FAM184B: variants seen among roughly 807,000 people sequenced by gnomAD.
The protein encoded by FAM184B is protein FAM184B.
FAM184B carries 111 observed loss-of-function variants against 135.9 expected under a neutral mutation model. That is an observed-to-expected ratio of 0.82 (90% confidence interval 0.70 to 0.96). The LOEUF is 0.96. FAM184B is among the 40% of genes least tolerant of loss of function. FAM184B has a pLI of 0.00. For missense variants in FAM184B, 1,375 were observed against 1,323.9 expected (o/e 1.04, Z -0.60); for synonymous variants, 552 against 524.8 (o/e 1.05, Z -0.71).
intron 1 of FAM184B, among the ~76,000 whole-genome samples, chr4:17,719,739 A>G (rs1425568954): frequency 1.3e-5 from 2 of 152,018 alleles, no homozygotes; most frequent in African/African-American, 4.8e-5. Flanking sequence ...CTCCTCAAAT[A>G]CTCTATAACC....
At chr4:17,693,601 G>GAT in intron 5 of FAM184B, among the ~76,000 whole-genome samples, 189 bp from the exon 6 acceptor site, 1 of 152,246 alleles carries the variant, frequency 6.6e-6, no homozygotes, top group African/African-American at 2.4e-5. Context: ...CACAAAGCCT[G>GAT]ATATATATAG....
intron 15 of FAM184B, 100 bp downstream of exon 15, chr4:17,636,428 G>T: frequency 3.4e-6 from 3 of 880,196 alleles, no homozygotes; most frequent in Non-Finnish European, 3.6e-6. Flanking sequence ...TAAGATATTA[G>T]GGCACCTAGA....
At chr4:17,757,170 A>G (rs1718442605) in intron 1 of FAM184B, among the ~76,000 whole-genome samples, 1 of 152,226 alleles carries the variant, frequency 6.6e-6, no homozygotes, top group African/African-American at 2.4e-5. Context: ...GTGACAGAAG[A>G]ACAGGTTACA....
chr4:17,705,963 C>T, intron 3 of FAM184B, 72 bp from the exon 4 acceptor site: 5 of 1,533,976 alleles, frequency 3.3e-6, no homozygotes, highest in Non-Finnish European at 4.4e-6. Flanking sequence ...TTTCTGCTGT[C>T]AGGCCCCCGT....
At chr4:17,773,603 G>A (rs1425043841) in intron 1 of FAM184B, among the ~76,000 whole-genome samples, 2 of 152,132 alleles carry the variant, frequency 1.3e-5, no homozygotes, top group African/African-American at 2.4e-5. Context: ...TTGAGACGGA[G>A]TTTCACTTTT....
At chr4:17,642,525 C>T (rs80150919) in intron 12 of FAM184B, among the ~76,000 whole-genome samples, 2,153 of 152,314 alleles carry the variant, frequency 0.014, 21 homozygotes, top group Middle Eastern at 0.024. Context: ...AGGGTGCCCT[C>T]CATGCCTGCC....
intron 1 of FAM184B, among the ~76,000 whole-genome samples, chr4:17,714,748 C>T (rs1192125471): frequency 6.6e-6 from 1 of 152,032 alleles, no homozygotes; most frequent in Non-Finnish European, 1.5e-5. Flanking sequence ...GGGCAAGCTT[C>T]CAAGGTGCCC....
Position 17,644,393 on chromosome 4 carries a change from A to T in FAM184B, c.2347-2165T>A, listed in dbSNP as rs189438039. On this transcript the variant is annotated intron_variant, in intron 12 of 17. Transcript: ENST00000265018. ...ATCAAAAAGCTTATCCACCATGATC[A>T]AGTGGGCTTCATCCCTGGGATGCAA... is the stretch of plus-strand genomic sequence containing the variant. 3.1e-3 allele frequency among the ~76,000 whole-genome samples: 477 copies of T among 152,346 alleles called. 4 individuals carry two copies. Among genetic ancestry groups the T allele is most frequent in the African/African-American group, 0.01 (432 of 41,584 alleles).
intron 7 of FAM184B, among the ~76,000 whole-genome samples, chr4:17,684,089 A>C (rs1168642883): frequency 2.2e-4 from 1 of 4,640 alleles, no homozygotes; most frequent in Non-Finnish European, 3.4e-3. Flanking sequence ...TAATAATAGT[A>C]ATTACTATTA....
chr4:17,715,724 T>C (rs1042930923), intron 1 of FAM184B, among the ~76,000 whole-genome samples: 3 of 152,204 alleles, frequency 2.0e-5, no homozygotes, highest in Non-Finnish European at 4.4e-5. Flanking sequence ...CACATTTGCA[T>C]ACATCAAAAC....
Position 17,707,635 on chromosome 4 carries a change from C to A in FAM184B, c.1030+14G>T. 1 of 1,551,316 alleles carries A rather than the reference C, an allele frequency of 6.4e-7. No homozygotes were observed. On this transcript the variant is annotated intron_variant, in intron 3 of 17. Transcript: ENST00000265018. ...CCTTGGGTCTTTTAAGGAAATCATT[C>A]CAGGGCATCTCACCTGTCTGCTGTG...
rs530471734 is a variant in FAM184B at position 17,652,279 on chromosome 4, C to G, written c.2191+551G>C. 1.4e-3 allele frequency among the ~76,000 whole-genome samples: 206 copies of G among 152,038 alleles called. 1 individual carries two copies. Among genetic ancestry groups the G allele is most frequent in the Middle Eastern group, 6.8e-3 (2 of 292 alleles). The stretch of plus-strand genomic sequence containing the variant: ...AGCTGGGACTACAGACACCTGCCAC[C>G]ACGCCCGGCTAATTTTTTGTATTTT... On this transcript the variant is annotated intron_variant, in intron 11 of 17. Coordinates refer to ENST00000265018, the MANE Select transcript of FAM184B (RefSeq NM_015688.2).
At chr4:17,778,108 GGATAAA>G (rs1259078539) in intron 1 of FAM184B, among the ~76,000 whole-genome samples, 1 of 151,642 alleles carries the variant, frequency 6.6e-6, no homozygotes, top group African/African-American at 2.4e-5. Flanking sequence ...CTTTTGCAGA[GGATAAA>G]GATAAACTAA....
At chr4:17,758,495 C>G (rs1718468389) in intron 1 of FAM184B, among the ~76,000 whole-genome samples, 1 of 152,194 alleles carries the variant, frequency 6.6e-6, no homozygotes, top group Admixed American at 6.5e-5. Flanking sequence ...AGATGGCTGG[C>G]TTTTTCAGAC....
chr4:17,718,943 A>G (rs1717458287), intron 1 of FAM184B, among the ~76,000 whole-genome samples: 2 of 152,228 alleles, frequency 1.3e-5, no homozygotes, highest in African/African-American at 4.8e-5. Flanking sequence ...AAGAAAGCCA[A>G]TTAGTATGTA....
chr4:17,714,796 T>A (rs1253822861), intron 1 of FAM184B, among the ~76,000 whole-genome samples: 1 of 152,000 alleles, frequency 6.6e-6, no homozygotes, highest in Non-Finnish European at 1.5e-5. Context: ...AGGGTGAGGG[T>A]AGCAGAGAGG....
chr4:17,727,996 G>A (rs1332774142), intron 1 of FAM184B, among the ~76,000 whole-genome samples: 3 of 152,052 alleles, frequency 2.0e-5, no homozygotes, highest in Non-Finnish European at 4.4e-5. Context: ...ATTACAATGA[G>A]TCCAGGCATG....
At chr4:17,737,074 G>A (rs1717926494) in intron 1 of FAM184B, among the ~76,000 whole-genome samples, 2 of 152,054 alleles carry the variant, frequency 1.3e-5, no homozygotes, top group African/African-American at 2.4e-5. Context: ...AAACCCAGGG[G>A]CGGAGGTTAC....
chr4:17,772,648 T>G (rs879189762), intron 1 of FAM184B, among the ~76,000 whole-genome samples: 9 of 152,208 alleles, frequency 5.9e-5, no homozygotes, highest in Non-Finnish European at 1.3e-4. Flanking sequence ...TAAATAACAT[T>G]CCTCTTCCCC....
Sources: allele counts gnomAD v4.1 joint callset (sites outside exome capture counted in the v4.1 genomes callset), GRCh38; gene constraint gnomAD v4.1.1; transcripts MANE v1.5; gene names NCBI Gene and HGNC (gene_info 2026-07-23, HGNC 2026-07-21).